Variants in NCF4 observed in about 807,000 individuals in gnomAD.
NCF4 encodes the protein neutrophil cytosol factor 4.
A neutral mutation model predicts 41.7 loss-of-function variants in NCF4; 30 were observed. The ratio of observed to expected loss-of-function variants is 0.72; its 90% CI spans 0.54 to 0.97. The LOEUF is 0.97. Ranked by LOEUF, NCF4 falls within the 50% of genes least tolerant of loss-of-function variation. NCF4 has a pLI of 0.00. For missense variants in NCF4, 432 were observed against 460.9 expected (o/e 0.94, Z 0.57); for synonymous variants, 195 against 175.8 (o/e 1.11, Z -0.87).
intron 8 of NCF4, 45 bp from the exon 9 acceptor site, chr22:36,875,984 A>T (rs1940184428): frequency 6.2e-7 from 1 of 1,609,938 alleles, no homozygotes; most frequent in Admixed American, 1.7e-5. Flanking sequence ...CCCACACCCC[A>T]CTTCCAGCCT....
Position 36,864,083 on chromosome 22 carries a change from C to G in NCF4, c.71C>G (p.Ala24Gly), listed in dbSNP as rs1383416265. The G allele has an allele frequency of 6.2e-7, 1 of 1,614,164 alleles. No individual in the cohort carries two copies. Among genetic ancestry groups the G allele is most frequent in the Non-Finnish European group, 8.5e-7 (1 of 1,180,002 alleles). ...EQLPDDVAIS[A>G]NIADIEEKRG... Reference sequence around the variant, plus strand: ...CTTCCGGATGATGTTGCCATCTCGGCCAACATTGCTGACATCGAGGAGAAG... The same window carrying G: ...CTTCCGGATGATGTTGCCATCTCGGGCAACATTGCTGACATCGAGGAGAAG... Residue 24 changes from alanine (A) to glycine (G), a missense_variant, in exon 2 of 10, where the codon GCC (alanine) becomes GGC (glycine). Transcript: ENST00000248899.
intron 9 of NCF4, among the ~76,000 whole-genome samples, chr22:36,876,619 A>C (rs1048102027): frequency 2.6e-5 from 4 of 152,156 alleles, no homozygotes; most frequent in South Asian, 2.1e-4. Flanking sequence ...CTTACACCCC[A>C]CACACACATG....
intron 4 of NCF4, among the ~76,000 whole-genome samples, chr22:36,867,712 T>A (rs935303033): frequency 6.6e-6 from 1 of 152,226 alleles, no homozygotes; most frequent in Non-Finnish European, 1.5e-5. Context: ...CTTCATTTAA[T>A]GCTCCAAGCC....
chr22:36,872,919 TG>T (rs1569115280), intron 7 of NCF4, among the ~76,000 whole-genome samples: 1 of 142,958 alleles, frequency 7.0e-6, no homozygotes, highest in African/African-American at 2.7e-5. Context: ...AGGGTGGAGG[TG>T]AGACTGGAGG....
rs995268797 is a variant in NCF4, at chr22:36,861,196, G to A, written c.25G>A (p.Ala9Thr). MAVAQQLR[A>T]ESDFEQLPDD... ...CATGGCTGTGGCCCAGCAGCTGCGG[G>A]CCGAGAGGTGAGTGCCGGGGTGTGG... The change falls in exon 1 of 10, where the codon GCC becomes ACC. Residue 9 changes from alanine to threonine, a missense_variant. Transcript: ENST00000248899. 1.9e-6 allele frequency: 3 copies of A among 1,551,390 alleles called. No individual in the cohort carries two copies. The African/African-American group carries it at 4.1e-5, about 21-fold the overall frequency.
chr22:36,871,360 G>T (rs1320358385), intron 5 of NCF4, among the ~76,000 whole-genome samples: 1 of 152,184 alleles, frequency 6.6e-6, no homozygotes, highest in East Asian at 1.9e-4. Context: ...AAACACATCT[G>T]AACACTTTGG....
chr22:36,863,060 T>C lies in NCF4; in HGVS notation c.33-985T>C, dbSNP rs561749030. Among the ~76,000 whole-genome samples the C allele has an allele frequency of 3.9e-5, 6 of 152,204 alleles. No individual in the cohort carries two copies. In the East Asian group the frequency reaches 7.8e-4, roughly 20 times the overall value. On this transcript the variant is annotated intron_variant, in intron 1 of 9. Coordinates refer to ENST00000248899, the MANE Select transcript of NCF4 (RefSeq NM_000631.5). ...AAGGGAGCGGATATTCCAGGGGACT[T>C]CCGGTTGGGTTTGCTGCTCTTCTTG...
At position 36,864,920 on chromosome 22, in the gene NCF4, T is replaced by C; in HGVS notation, c.119T>C (p.Val40Ala). Residue 40 changes from valine to alanine, a missense_variant and splice_region_variant, in exon 3 of 10, where the codon GTT becomes GCT. Transcript: ENST00000248899. ...EEKRGFTSHF[V>A]FVIEVKTKGG... Reference sequence around the variant, plus strand: ...CCCCACAACCTCTGTCCTCCTTAGGTTTTCGTCATCGAGGTGAAGACAAAA... The same window carrying C: ...CCCCACAACCTCTGTCCTCCTTAGGCTTTCGTCATCGAGGTGAAGACAAAA... 6.2e-7 allele frequency: 1 copy of C among 1,613,984 alleles called. No individual in the cohort carries two copies. The highest frequency in any genetic ancestry group is 8.5e-7 in the Non-Finnish European group (1 of 1,179,996).
At chr22:36,863,933 A>C in intron 1 of NCF4, 112 bp from the exon 2 acceptor site, 1 of 1,011,874 alleles carries the variant, frequency 9.9e-7, no homozygotes, top group Non-Finnish European at 1.6e-6. Flanking sequence ...GTGCTGAGAG[A>C]CGAATGTTGG....
chr22:36,864,870 C>T (rs1939885499), intron 2 of NCF4, 49 bp from the exon 3 acceptor site: 1 of 1,612,366 alleles, frequency 6.2e-7, no homozygotes, highest in Non-Finnish European at 8.5e-7. Flanking sequence ...CTCTTTTTGG[C>T]TTGTGCTCCT....
intron 1 of NCF4, 135 bp downstream of exon 1, chr22:36,861,338 T>C (rs1939770700): frequency 8.6e-7 from 1 of 1,166,910 alleles, no homozygotes; most frequent in East Asian, 2.6e-5. Flanking sequence ...TACTCAGAAA[T>C]GCAACCTCTC....
intron 4 of NCF4, among the ~76,000 whole-genome samples, chr22:36,869,535 C>T (rs886356073): frequency 6.6e-6 from 1 of 152,200 alleles, no homozygotes; most frequent in Non-Finnish European, 1.5e-5. Context: ...TTCCCCGACC[C>T]CACCTCATCC....
intron 1 of NCF4, 130 bp from the exon 2 acceptor site, chr22:36,863,915 G>T (rs1275098782): frequency 1.4e-5 from 12 of 873,114 alleles, no homozygotes; most frequent in Non-Finnish European, 2.1e-5. Context: ...GACCTGGCCT[G>T]GGAAGGGGTG....
rs770665668 is a variant in NCF4, at chr22:36,876,020, C to A, written c.759-9C>A. 8.7e-6 allele frequency: 14 copies of A among 1,614,022 alleles called. No homozygotes were observed. Among genetic ancestry groups the A allele is most frequent in the Non-Finnish European group, 1.1e-5 (13 of 1,179,936 alleles). ...GATGCCTCCTTACTCCAGCCTGTCA[C>A]CCCCTTAGGGACATCGCGGTGGAGG... is the stretch of plus-strand genomic sequence containing the variant. On this transcript the variant is annotated splice_polypyrimidine_tract_variant and intron_variant, in intron 8 of 9. Transcript: ENST00000248899.
intron 7 of NCF4, among the ~76,000 whole-genome samples, chr22:36,875,004 G>A (rs1940162081): frequency 6.6e-6 from 1 of 152,158 alleles, no homozygotes. Flanking sequence ...AACTCCGTGG[G>A]GGCAAGGACT....
chr22:36,875,665 G>C lies in NCF4; in HGVS notation c.640G>C (p.Gly214Arg). The change falls in exon 8 of 10, where the codon GGA becomes CGA. Residue 214 changes from glycine (G) to arginine (R), a missense_variant. Physicochemically the swap from Gly to Arg is moderately radical, Grantham distance 125. Transcript: ENST00000248899. ...TCTTCCTCTGCAGGGCACTGTCCGG[G>C]GAGCCACGGGCATCTTCCCTCTCTC... ...NKDWLEGTVR[G>R]ATGIFPLSFV... 1 of 1,611,906 alleles carries C rather than the reference G, an allele frequency of 6.2e-7. No individual in the cohort carries two copies. The highest frequency in any genetic ancestry group is 8.5e-7 in the Non-Finnish European group (1 of 1,180,018).
chr22:36,872,423 G>A lies in NCF4; in HGVS notation c.625G>A (p.Glu209Lys), dbSNP rs1021009298. The A allele has an allele frequency of 3.7e-6, 6 of 1,602,860 alleles. No homozygotes were observed. The highest frequency in any genetic ancestry group is 2.7e-5 in the African/African-American group (2 of 74,752). The change falls in exon 7 of 10, where the codon GAG (glutamate) becomes AAG (lysine). Residue 209 changes from glutamate to lysine, a missense_variant and splice_region_variant. Glu to Lys is a moderately conservative substitution (Grantham distance 56). Coordinates refer to ENST00000248899, the MANE Select transcript of NCF4 (RefSeq NM_000631.5). ...LLSRINKDWL[E>K]GTVRGATGIF... ...CAGTCGGATCAACAAAGACTGGCTG[G>A]AGGTGAGTTCAGAAGTGAGGATGGA...
At chr22:36,873,104 ATGGAGGTGAGCG>A (rs1298480334) in intron 7 of NCF4, among the ~76,000 whole-genome samples, 57 of 133,772 alleles carry the variant, frequency 4.3e-4, no homozygotes, top group African/African-American at 1.5e-3. Flanking sequence ...GGAGGTGAGG[ATGGAGGTGAGCG>A]TGGAGGTGAG....
chr22:36,864,446 A>T (rs534271434), intron 2 of NCF4, among the ~76,000 whole-genome samples: 1 of 152,244 alleles, frequency 6.6e-6, no homozygotes, highest in Non-Finnish European at 1.5e-5. Flanking sequence ...AGAAATCCTG[A>T]TCGCGTCCTT....
Sources: gnomAD v4.1 joint callset for allele counts (sites outside exome capture counted in the v4.1 genomes callset) on GRCh38, gnomAD v4.1.1 for gene constraint, MANE v1.5 for transcripts, NCBI Gene and HGNC (gene_info 2026-07-23, HGNC 2026-07-21) for gene names.